Variants in TSC22D1 observed in about 807,000 individuals in gnomAD.
The protein encoded by TSC22D1 is TSC22 domain family protein 1.
TSC22D1 carries 9 observed loss-of-function variants against 74.2 expected under a neutral mutation model. The ratio of observed to expected loss-of-function variants is 0.12; its 90% CI spans 0.07 to 0.21. The LOEUF (loss-of-function observed/expected upper bound fraction) is 0.21, where lower values mean the gene tolerates loss of function less well. Among genes scored for constraint, TSC22D1 ranks in the 10% least tolerant of loss-of-function variants. The pLI is 1.00. For synonymous variants in TSC22D1, 586 were observed against 492.5 expected, an observed-to-expected ratio of 1.19 and a Z score of -2.51; for missense variants, 1,427 against 1,304.7, an observed-to-expected ratio of 1.09 and a Z score of -1.44.
chr13:44,459,208 C>T (rs1045393022), intron 1 of TSC22D1, among the ~76,000 whole-genome samples: 11 of 152,176 alleles, frequency 7.2e-5, no homozygotes, highest in African/African-American at 2.2e-4. Flanking sequence ...TGGGGACTAC[C>T]GGTTGCAGGA....
intron 1 of TSC22D1, among the ~76,000 whole-genome samples, chr13:44,476,196 A>T (rs1285396614): frequency 6.6e-6 from 1 of 152,230 alleles, no homozygotes; most frequent in Non-Finnish European, 1.5e-5. Flanking sequence ...GATTATTGAC[A>T]TATACATAAA....
At chr13:44,444,313 A>C (rs1875455764) in intron 1 of TSC22D1, among the ~76,000 whole-genome samples, 1 of 130,160 alleles carries the variant, frequency 7.7e-6, no homozygotes, top group Admixed American at 7.9e-5. Context: ...AAAAAAGAAA[A>C]GAAAAGAAAA....
chr13:44,546,515 A>C (rs965842377), intron 1 of TSC22D1, among the ~76,000 whole-genome samples: 4 of 152,210 alleles, frequency 2.6e-5, no homozygotes, highest in Admixed American at 2.6e-4. Context: ...AAGGAAAGAA[A>C]GAATGAAGAG....
intron 1 of TSC22D1, among the ~76,000 whole-genome samples, chr13:44,468,861 G>A (rs2137901246): frequency 7.2e-6 from 1 of 139,824 alleles, no homozygotes; most frequent in Non-Finnish European, 1.6e-5. Flanking sequence ...AACAAAAATA[G>A]AAATTTTATA....
intron 1 of TSC22D1, among the ~76,000 whole-genome samples, chr13:44,470,480 C>T (rs538336432): frequency 6.6e-6 from 1 of 152,278 alleles, no homozygotes; most frequent in East Asian, 1.9e-4. Flanking sequence ...TGATGTACAA[C>T]TCAGAGTCTA....
intron 1 of TSC22D1, among the ~76,000 whole-genome samples, chr13:44,514,316 A>G: frequency 6.6e-6 from 1 of 152,120 alleles, no homozygotes; most frequent in Non-Finnish European, 1.5e-5. Flanking sequence ...AGTAAACAAG[A>G]TCTTCCCTAC....
At chr13:44,576,831 G>A (rs1884286454), upstream of TSC22D1, among the ~76,000 whole-genome samples, 1 of 151,656 alleles carries the variant, frequency 6.6e-6, no homozygotes, top group African/African-American at 2.4e-5. Flanking sequence ...AGCACGGCCG[G>A]GGCGCGGCGG....
At chr13:44,498,538 G>A (rs9533877) in intron 1 of TSC22D1, among the ~76,000 whole-genome samples, 2,788 of 152,138 alleles carry the variant, frequency 0.018, 38 homozygotes, top group Non-Finnish European at 0.028. Context: ...ATACCACACT[G>A]TAGTATAACT....
chr13:44,538,707 A>C, intron 1 of TSC22D1: 5 of 985,428 alleles, frequency 5.1e-6, no homozygotes, highest in Non-Finnish European at 6.0e-6. Context: ...TTAAAAGTTT[A>C]TAAATGACAA....
intron 1 of TSC22D1, among the ~76,000 whole-genome samples, chr13:44,482,298 G>A (rs938415764): frequency 1.3e-5 from 2 of 152,248 alleles, no homozygotes; most frequent in East Asian, 3.9e-4. Flanking sequence ...ACTTCGGGAG[G>A]CTGAGGCAAG....
At chr13:44,519,306 A>G (rs893893996) in intron 1 of TSC22D1, among the ~76,000 whole-genome samples, 5 of 152,146 alleles carry the variant, frequency 3.3e-5, no homozygotes, top group Non-Finnish European at 5.9e-5. Context: ...TTAAAATTCA[A>G]TGTATGAAGG....
At chr13:44,543,678 G>C (rs973440896) in intron 1 of TSC22D1, among the ~76,000 whole-genome samples, 2 of 152,316 alleles carry the variant, frequency 1.3e-5, no homozygotes, top group East Asian at 3.9e-4. Context: ...CTCAGTAAAT[G>C]CTTTACAAAT....
chr13:44,485,406 T>C (rs1258662499), intron 1 of TSC22D1, among the ~76,000 whole-genome samples: 2 of 152,198 alleles, frequency 1.3e-5, no homozygotes, highest in African/African-American at 4.8e-5. Context: ...ATTCTTTCAG[T>C]ATAACACAAA....
At chr13:44,488,048 A>C (rs7323861) in intron 1 of TSC22D1, among the ~76,000 whole-genome samples, 76,777 of 131,724 alleles carry the variant, frequency 0.58, 19,462 homozygotes, top group East Asian at 0.7. Context: ...ACAGATCAAG[A>C]CTCTGTCTCA....
At chr13:44,523,238 A>C (rs1880398488) in intron 1 of TSC22D1, among the ~76,000 whole-genome samples, 1 of 152,214 alleles carries the variant, frequency 6.6e-6, no homozygotes, top group Admixed American at 6.5e-5. Context: ...GACAGTCTGC[A>C]GTCTCTTACA....
chr13:44,435,798 G>C, intron 2 of TSC22D1: 2 of 551,036 alleles, frequency 3.6e-6, no homozygotes, highest in Admixed American at 6.7e-5. Flanking sequence ...GTCACCGTGA[G>C]AAAATCCCGT....
chr13:44,475,896 G>C (rs1166269877), intron 1 of TSC22D1, among the ~76,000 whole-genome samples: 2 of 152,130 alleles, frequency 1.3e-5, no homozygotes, highest in Admixed American at 1.3e-4. Flanking sequence ...AATGGCCAAA[G>C]GAAAGATCAA....
In TSC22D1 at chr13:44,432,697, C is replaced by T. The variant is rs1874148224; in HGVS notation, c.*1929G>A. The T allele has an allele frequency of 6.7e-6, 1 of 150,146 alleles. No individual in the cohort carries two copies. Among genetic ancestry groups the T allele is most frequent in the Non-Finnish European group, 1.5e-5 (1 of 67,564 alleles). The allele number at this position is 150,146 out of a possible 1,614,324, so 9.3% of individuals were successfully genotyped here. On this transcript the variant is annotated 3_prime_UTR_variant, in exon 3 of 3. Transcript: ENST00000458659. ...GAAATGAATGATTCAGAAAGTTTGTCCTTGTTCTGCAAGGACTTAAGACAA... is the reference window on the plus strand; with the variant it reads ...GAAATGAATGATTCAGAAAGTTTGTTCTTGTTCTGCAAGGACTTAAGACAA...
chr13:44,523,015 G>A (rs1362167955), intron 1 of TSC22D1, among the ~76,000 whole-genome samples: 1 of 151,134 alleles, frequency 6.6e-6, no homozygotes. Context: ...CTGAGCAGAT[G>A]TATCACCAAA....
Sources: allele counts gnomAD v4.1 joint callset (sites outside exome capture counted in the v4.1 genomes callset), GRCh38; gene constraint gnomAD v4.1.1; transcripts MANE v1.5; gene names NCBI Gene and HGNC (gene_info 2026-07-23, HGNC 2026-07-21).